CHST9: variants seen among roughly 807,000 people sequenced by gnomAD.
CHST9 encodes carbohydrate sulfotransferase 9.
Under a neutral mutation model 44.4 loss-of-function variants are expected in CHST9, and 41 were observed. That is an observed-to-expected ratio of 0.92 (90% CI 0.72 to 1.20). The LOEUF is 1.20. CHST9 is among the 50% of genes most tolerant of loss of function. The pLI is 0.00. For synonymous variants in CHST9, 171 were observed against 178.4 expected (o/e 0.96, Z 0.33); for missense variants, 504 against 516.5 (o/e 0.98, Z 0.23).
chr18:27,142,644 C>A, intron 2 of CHST9, 45 bp downstream of exon 2: 1 of 1,364,204 alleles, frequency 7.3e-7, no homozygotes, highest in South Asian at 1.5e-5. Context: ...TTAAAAATAG[C>A]TATTATTGTT....
intron 2 of CHST9, among the ~76,000 whole-genome samples, chr18:27,053,184 A>G (rs550753137): frequency 8.1e-5 from 12 of 147,978 alleles, no homozygotes; most frequent in South Asian, 4.4e-4. Context: ...AAGAAGAAGA[A>G]GAAGAAGAAG....
At chr18:27,042,982 T>A (rs141555363) in intron 3 of CHST9, among the ~76,000 whole-genome samples, 3 of 152,196 alleles carry the variant, frequency 2.0e-5, no homozygotes, top group African/African-American at 4.8e-5. Flanking sequence ...GCAACTCCAA[T>A]AGATGTTTTC....
At chr18:27,046,492 GTA>G (rs1336963110) in intron 3 of CHST9, among the ~76,000 whole-genome samples, 2 of 151,960 alleles carry the variant, frequency 1.3e-5, no homozygotes, top group African/African-American at 4.8e-5. Flanking sequence ...AGGGTGCAGG[GTA>G]TATAGTAACT....
At chr18:27,115,918 C>T (rs541717798) in intron 2 of CHST9, among the ~76,000 whole-genome samples, 1 of 152,290 alleles carries the variant, frequency 6.6e-6, no homozygotes, top group East Asian at 1.9e-4. Context: ...CTTTTATGTG[C>T]TTATTGGACA....
chr18:27,115,890 A>C (rs896957079), intron 2 of CHST9, among the ~76,000 whole-genome samples: 1 of 152,180 alleles, frequency 6.6e-6, no homozygotes, highest in African/African-American at 2.4e-5. Context: ...TTCCCTGATG[A>C]CTAACAATGC....
At chr18:26,970,295 G>C (rs1568114521) in intron 4 of CHST9, among the ~76,000 whole-genome samples, 1 of 152,170 alleles carries the variant, frequency 6.6e-6, no homozygotes, top group Non-Finnish European at 1.5e-5. Flanking sequence ...TCAAGATCTT[G>C]CAAAATCTGA....
At chr18:27,112,578 C>T (rs2058280872) in intron 2 of CHST9, among the ~76,000 whole-genome samples, 1 of 140,530 alleles carries the variant, frequency 7.1e-6, no homozygotes. Context: ...GGATATTCAA[C>T]GTGTGTGTGT....
intron 2 of CHST9, among the ~76,000 whole-genome samples, chr18:27,067,794 C>G (rs2057798028): frequency 6.6e-6 from 1 of 152,114 alleles, no homozygotes; most frequent in East Asian, 1.9e-4. Context: ...TTATTAAGCC[C>G]CTGTGTCCCT....
intron 3 of CHST9, among the ~76,000 whole-genome samples, chr18:27,033,159 T>C (rs528561811): frequency 1.3e-5 from 2 of 152,312 alleles, no homozygotes; most frequent in East Asian, 3.9e-4. Context: ...AAGGCAGCTG[T>C]TGGGCAGTGA....
chr18:27,106,823 G>A (rs4800789), intron 2 of CHST9, among the ~76,000 whole-genome samples: 122,810 of 152,138 alleles, frequency 0.81, 49,890 homozygotes, highest in East Asian at 0.92. Context: ...TAATCTACCT[G>A]CTTACTACCC....
intron 4 of CHST9, among the ~76,000 whole-genome samples, chr18:27,022,205 C>T (rs747338100): frequency 7.2e-5 from 11 of 152,124 alleles, no homozygotes. Context: ...AACTGAGTTT[C>T]GAACTTGTGT....
chr18:27,079,867 G>A (rs1204488502), intron 2 of CHST9, among the ~76,000 whole-genome samples: 2 of 152,136 alleles, frequency 1.3e-5, no homozygotes. Context: ...TCTCACTTGT[G>A]CTTTTCATTC....
intron 2 of CHST9, among the ~76,000 whole-genome samples, chr18:27,109,341 G>T (rs1228366301): frequency 1.3e-5 from 2 of 151,762 alleles, no homozygotes. Context: ...GGGATTTATT[G>T]TCTCTATTTT....
intron 1 of CHST9, among the ~76,000 whole-genome samples, chr18:27,182,841 A>C (rs2143988568): frequency 6.6e-6 from 1 of 152,332 alleles, no homozygotes; most frequent in Non-Finnish European, 1.5e-5. Flanking sequence ...TATGCTATTC[A>C]TATGCAATAC....
intron 2 of CHST9, 28 bp downstream of exon 2, chr18:27,142,660 TA>T: frequency 6.6e-7 from 1 of 1,513,638 alleles, no homozygotes; most frequent in Non-Finnish European, 8.9e-7. Context: ...TTGTTACAAT[TA>T]AAATAGAAGA....
At chr18:27,080,791 G>A (rs2057952782) in intron 2 of CHST9, among the ~76,000 whole-genome samples, 2 of 152,154 alleles carry the variant, frequency 1.3e-5, no homozygotes, top group African/African-American at 4.8e-5. Flanking sequence ...GTCAAGCCTG[G>A]GTAACCAGGC....
intron 5 of CHST9, among the ~76,000 whole-genome samples, chr18:26,932,742 T>C (rs112876245): frequency 6.8e-4 from 103 of 152,352 alleles, no homozygotes; most frequent in African/African-American, 2.4e-3. Flanking sequence ...TTGCAGTATC[T>C]TCAACTCCCC....
chr18:27,100,750 A>G (rs1276378427), intron 2 of CHST9, among the ~76,000 whole-genome samples: 1 of 152,250 alleles, frequency 6.6e-6, no homozygotes, highest in Non-Finnish European at 1.5e-5. Context: ...CAACAAATAA[A>G]TCATAATATG....
At position 26,914,463 on chromosome 18, in the gene CHST9, T is replaced by A. The variant is rs546516864; in HGVS notation, c.*1796A>T. 2.0e-5 allele frequency: 3 copies of A among 152,852 alleles called. No individual in the cohort carries two copies. The highest frequency in any genetic ancestry group is 3.8e-4 in the East Asian group (2 of 5,196). 9.5% of individuals were successfully genotyped at this position (152,852 alleles called of 1,614,324 possible). A position where few individuals can be genotyped will look rare whatever the true frequency, so the allele number is the denominator to read the frequency against. On this transcript the variant is annotated 3_prime_UTR_variant, in exon 6 of 6. Transcript: ENST00000618847. ...TAAATTACTAGGAATCTACTCTACA[T>A]GGTGCAGCAAAATTTTAAATTATGT...
Sources: gnomAD v4.1 joint callset for allele counts (sites outside exome capture counted in the v4.1 genomes callset) on GRCh38, gnomAD v4.1.1 for gene constraint, MANE v1.5 for transcripts, NCBI Gene and HGNC (gene_info 2026-07-23, HGNC 2026-07-21) for gene names.